CD82: variants seen among roughly 807,000 people sequenced by gnomAD.
The protein encoded by CD82 is CD82 antigen.
In CD82, 36 loss-of-function variants were observed where a neutral mutation model predicts 37.4. The ratio of observed to expected loss-of-function variants is 0.96; its 90% CI spans 0.74 to 1.27. The LOEUF (loss-of-function observed/expected upper bound fraction) is 1.27, where lower values mean the gene tolerates loss of function less well. CD82 is among the 50% of genes most tolerant of loss of function. The pLI is 0.00. For missense variants in CD82, 340 were observed against 347.0 expected (o/e 0.98, Z 0.16); for synonymous variants, 158 against 137.4 (o/e 1.15, Z -1.05).
At chr11:44,578,770 G>C (rs541875083) in intron 1 of CD82, among the ~76,000 whole-genome samples, 120 of 152,252 alleles carry the variant, frequency 7.9e-4, no homozygotes, top group Middle Eastern at 3.4e-3. Context: ...ACTGGACCAG[G>C]GGGGATGGGG....
intron 1 of CD82, among the ~76,000 whole-genome samples, chr11:44,567,591 T>C (rs1852754668): frequency 6.6e-6 from 1 of 151,698 alleles, no homozygotes; most frequent in African/African-American, 2.4e-5. Flanking sequence ...TTTGGTATGG[T>C]GGGGAGGGAG....
At chr11:44,612,257 G>T (rs1853493377) in intron 6 of CD82, among the ~76,000 whole-genome samples, 1 of 152,230 alleles carries the variant, frequency 6.6e-6, no homozygotes, top group Non-Finnish European at 1.5e-5. Flanking sequence ...AATCAGCCAA[G>T]CCTGTGTGCA....
chr11:44,612,839 A>G (rs539168926), intron 6 of CD82, among the ~76,000 whole-genome samples: 1 of 151,784 alleles, frequency 6.6e-6, no homozygotes, highest in South Asian at 2.1e-4. Context: ...GAGTTTCACC[A>G]TGTTAGCCAG....
At chr11:44,566,036 A>G (rs1323561924) in intron 1 of CD82, 1 of 151,722 alleles carries the variant, frequency 6.6e-6, no homozygotes, top group East Asian at 1.9e-4. Flanking sequence ...TTCTCACTTA[A>G]AACGCCGGAA....
intron 4 of CD82, among the ~76,000 whole-genome samples, chr11:44,602,930 C>T (rs12290127): frequency 0.18 from 28,070 of 152,164 alleles, 2,892 homozygotes; most frequent in African/African-American, 0.28. Flanking sequence ...TTCTGAGCCT[C>T]GGGGTCCTTG....
At chr11:44,604,069 C>T (rs565061598) in intron 4 of CD82, among the ~76,000 whole-genome samples, 1 of 152,310 alleles carries the variant, frequency 6.6e-6, no homozygotes, top group Non-Finnish European at 1.5e-5. Flanking sequence ...CTTCGTCGAC[C>T]CATTCTGACC....
chr11:44,591,418 G>A (rs1050765029), intron 2 of CD82, among the ~76,000 whole-genome samples: 1 of 152,182 alleles, frequency 6.6e-6, no homozygotes, highest in Non-Finnish European at 1.5e-5. Context: ...GAATATCATG[G>A]GAATACCAGC....
intron 1 of CD82, among the ~76,000 whole-genome samples, chr11:44,575,922 AC>A (rs1852884603): frequency 1.3e-5 from 2 of 152,154 alleles, no homozygotes; most frequent in East Asian, 3.8e-4. Flanking sequence ...TAGTACTGGA[AC>A]CCTGGCGCTG....
chr11:44,608,781 A>G (rs1853436337), intron 6 of CD82, among the ~76,000 whole-genome samples: 1 of 152,234 alleles, frequency 6.6e-6, no homozygotes, highest in Non-Finnish European at 1.5e-5. Context: ...GACTCACTGC[A>G]GGCTGCTGCC....
At chr11:44,604,628 C>T (rs944374937) in intron 4 of CD82, 2 of 192,610 alleles carry the variant, frequency 1.0e-5, no homozygotes, top group Non-Finnish European at 2.2e-5. Context: ...CTGTCAATTC[C>T]GCAGATATTC....
intron 1 of CD82, among the ~76,000 whole-genome samples, chr11:44,579,383 C>A (rs978826450): frequency 1.3e-5 from 2 of 151,894 alleles, no homozygotes; most frequent in African/African-American, 2.4e-5. Flanking sequence ...GGTGTGGGAT[C>A]CTCCTGGGTC....
intron 6 of CD82, among the ~76,000 whole-genome samples, chr11:44,610,330 A>G (rs1407516802): frequency 1.3e-5 from 2 of 152,224 alleles, no homozygotes; most frequent in Non-Finnish European, 2.9e-5. Context: ...ACAAGTGGGT[A>G]GAAGTCATTT....
chr11:44,595,908 CAAAAAAAAAAAAA>C (rs71449886), intron 3 of CD82, among the ~76,000 whole-genome samples: 1 of 69,684 alleles, frequency 1.4e-5, no homozygotes, highest in Non-Finnish European at 2.7e-5. Flanking sequence ...TGTTTCTCTA[CAAAAAAAAAAAAA>C]AAAAAAAAAA....
chr11:44,588,222 T>G (rs531523636), intron 2 of CD82, among the ~76,000 whole-genome samples: 122 of 60,108 alleles, frequency 2.0e-3, no homozygotes, highest in Middle Eastern at 0.018. Context: ...TTTTTTTTGT[T>G]TTTTGTTTTT....
chr11:44,615,658 C>T (rs1041132471), intron 7 of CD82, among the ~76,000 whole-genome samples: 1 of 152,114 alleles, frequency 6.6e-6, no homozygotes, highest in Non-Finnish European at 1.5e-5. Flanking sequence ...CACTGGGGAG[C>T]GTTGGGAGCT....
chr11:44,618,693 C>G lies in CD82; in HGVS notation c.696C>G (p.Leu232=). The G allele has an allele frequency of 6.2e-7, 1 of 1,613,396 alleles. No individual in the cohort carries two copies. Among genetic ancestry groups the G allele is most frequent in the Non-Finnish European group, 8.5e-7 (1 of 1,179,824 alleles). ...AWLQENLGII[L]GVGVGVAIIE... ...TGCAGGAGAACCTGGGCATCATCCT[C>G]GGCGTGGGCGTGGGTGTGGCCATCA... Residue 232 remains leucine, a synonymous_variant, in exon 9 of 10, where the codon CTC becomes CTG. Coordinates refer to ENST00000227155, the MANE Select transcript of CD82 (RefSeq NM_002231.4).
At chr11:44,602,108 G>T (rs11605836) in intron 4 of CD82, among the ~76,000 whole-genome samples, 23,512 of 152,168 alleles carry the variant, frequency 0.15, 2,367 homozygotes, top group East Asian at 0.27. Flanking sequence ...GCTGGTAGGG[G>T]AGCTGGCTGC....
rs777837925 is a variant in CD82, at chr11:44,619,057, G to T, written c.735G>T (p.Gly245=). 2 of 1,613,766 alleles carry T rather than the reference G, an allele frequency of 1.2e-6. No individual in the cohort carries two copies. Among genetic ancestry groups the T allele is most frequent in the Non-Finnish European group, 1.7e-6 (2 of 1,179,924 alleles). The change falls in exon 10 of 10, where the codon GGG becomes GGT. Residue 245 remains glycine (G), a synonymous_variant. Coordinates refer to ENST00000227155, the MANE Select transcript of CD82 (RefSeq NM_002231.4). ...TCCGCCTCTCCCCACAGCTCCTGGG[G>T]ATGGTCCTGTCCATCTGCTTGTGCC... ...GVGVAIIELL[G]MVLSICLCRH... is the part of the protein sequence containing the mutation.
In CD82 at chr11:44,618,732, C is replaced by T. The variant is rs375058488; in HGVS notation, c.726+9C>T. On this transcript the variant is annotated intron_variant, in intron 9 of 9. Transcript: ENST00000227155. The stretch of plus-strand genomic sequence containing the variant: ...GTGTGGCCATCATCGAGGTCTGAGC[C>T]CCCTCCCCCATCCCTTCTCCATCCC... 4 of 1,608,336 alleles carry T rather than the reference C, an allele frequency of 2.5e-6. No individual in the cohort carries two copies. In the Admixed American group the frequency reaches 6.7e-5, roughly 27 times the overall value.
Sources: allele counts gnomAD v4.1 joint callset (sites outside exome capture counted in the v4.1 genomes callset), GRCh38; gene constraint gnomAD v4.1.1; transcripts MANE v1.5; gene names NCBI Gene and HGNC (gene_info 2026-07-23, HGNC 2026-07-21).